The following RAB25 variants were observed in gnomAD, a reference collection of about 807,000 sequenced individuals.
RAB25 encodes the protein ras-related protein Rab-25.
A neutral mutation model predicts 25.2 loss-of-function variants in RAB25; 23 were observed. That is an observed-to-expected ratio of 0.91 (90% CI 0.66 to 1.29). The LOEUF is 1.29. Ranked by LOEUF, RAB25 falls within the 50% of genes most tolerant of loss-of-function variation. The probability of loss-of-function intolerance (pLI) is 0.00; values close to 1 mark genes in which losing one functional copy is unlikely to be tolerated. For missense variants in RAB25, 244 were observed against 277.3 expected (o/e 0.88, Z 0.85); for synonymous variants, 102 against 111.5 (o/e 0.91, Z 0.54).
chr1:156,069,264 C>A (rs544698779), intron 3 of RAB25, among the ~76,000 whole-genome samples: 4 of 151,964 alleles, frequency 2.6e-5, no homozygotes, highest in Non-Finnish European at 4.4e-5. Flanking sequence ...TCACTGCAAC[C>A]TCCACCTCCT....
intron 3 of RAB25, among the ~76,000 whole-genome samples, chr1:156,069,254 T>C (rs1647837675): frequency 6.6e-6 from 1 of 152,114 alleles, no homozygotes; most frequent in African/African-American, 2.4e-5. Context: ...CGATCTTGGC[T>C]CACTGCAACC....
intron 2 of RAB25, among the ~76,000 whole-genome samples, chr1:156,066,526 A>G (rs1010645082): frequency 6.6e-6 from 1 of 152,174 alleles, no homozygotes; most frequent in Non-Finnish European, 1.5e-5. Context: ...CTTCCGCACA[A>G]TGCTCTGCAC....
In RAB25 at chr1:156,068,471, C is replaced by T. The variant is rs375008853; in HGVS notation, c.433+8C>T. ...AGGCCCGAATGTTCGCTGGTGAGAG[C>T]CTGCCACTACCCAGGCTGACTCCTC... On this transcript the variant is annotated splice_region_variant and intron_variant, in intron 3 of 4. Coordinates refer to ENST00000361084, the MANE Select transcript of RAB25 (RefSeq NM_020387.4). 7.5e-6 allele frequency: 12 copies of T among 1,609,260 alleles called. No homozygotes were observed. Among genetic ancestry groups the T allele is most frequent in the African/African-American group, 4.0e-5 (3 of 74,902 alleles).
intron 1 of RAB25, among the ~76,000 whole-genome samples, chr1:156,062,358 A>G (rs1203035510): frequency 1.3e-5 from 2 of 152,130 alleles, no homozygotes; most frequent in Admixed American, 6.5e-5. Context: ...CCCTGGAAGC[A>G]TGCATGTATC....
chr1:156,066,496 G>C (rs556666556), intron 2 of RAB25, among the ~76,000 whole-genome samples: 3 of 152,146 alleles, frequency 2.0e-5, no homozygotes, highest in Non-Finnish European at 4.4e-5. Flanking sequence ...CGAGCTGCAC[G>C]GATCGAGAGC....
At chr1:156,066,865 G>A (rs1476371269) in intron 2 of RAB25, among the ~76,000 whole-genome samples, 5 of 152,076 alleles carry the variant, frequency 3.3e-5, no homozygotes, top group African/African-American at 4.8e-5. Context: ...GCTTGAACCC[G>A]GGAGGCGGAA....
Position 156,064,159 on chromosome 1 carries a change from CA to C in RAB25, c.44-1751del, listed in dbSNP as rs530215426. On this transcript the variant is annotated intron_variant, in intron 1 of 4. Coordinates refer to ENST00000361084, the MANE Select transcript of RAB25 (RefSeq NM_020387.4). ...ATACACACACACACACGCATACACA[CA>C]CATCCTCTTACCCACACATATCCAT... Among the ~76,000 whole-genome samples, 202 of 152,318 alleles carry C rather than the reference CA, an allele frequency of 1.3e-3. 1 individual carries two copies. The highest frequency in any genetic ancestry group is 4.6e-3 in the African/African-American group (190 of 41,568).
intron 1 of RAB25, among the ~76,000 whole-genome samples, chr1:156,065,325 G>A (rs1572292581): frequency 6.6e-6 from 1 of 152,142 alleles, no homozygotes; most frequent in African/African-American, 2.4e-5. Flanking sequence ...CCTCCTTAGG[G>A]ACAACTGGAA....
In RAB25 at chr1:156,065,992, G is replaced by A. The variant is rs372694734; in HGVS notation, c.125G>A (p.Arg42His). The change falls in exon 2 of 5, where the codon CGC (arginine) becomes CAC (histidine). Residue 42 changes from arginine (R) to histidine (H), a missense_variant. By Grantham distance (29) the Arg-to-His change is conservative (BLOSUM62 0). Coordinates refer to ENST00000361084, the MANE Select transcript of RAB25 (RefSeq NM_020387.4). ...FTRNEFSHDS[R>H]TTIGVEFSTR... The stretch of plus-strand genomic sequence containing the variant: ...CGCAATGAGTTCAGCCACGACAGCC[G>A]CACCACCATCGGGGTTGAGTTCTCC... The A allele has an allele frequency of 4.3e-6, 7 of 1,613,810 alleles. No homozygotes were observed. Among genetic ancestry groups the A allele is most frequent in the East Asian group, 2.2e-5 (1 of 44,888 alleles).
rs1325746340 is a variant in RAB25, at chr1:156,070,288, C to A, written c.*1C>A. On this transcript the variant is annotated 3_prime_UTR_variant, in exon 5 of 5. Transcript: ENST00000361084. Reference sequence around the variant, plus strand: ...GAGGGCCTGTTGCATCAGCCTCTGACCTTGGCCAGCACCACCTGCCCCCAC... The same window carrying A: ...GAGGGCCTGTTGCATCAGCCTCTGAACTTGGCCAGCACCACCTGCCCCCAC... 6.2e-7 allele frequency: 1 copy of A among 1,612,940 alleles called. No individual in the cohort carries two copies. Among genetic ancestry groups the A allele is most frequent in the African/African-American group, 1.3e-5 (1 of 74,966 alleles).
rs1647723593 is a variant in RAB25 at position 156,065,840 on chromosome 1, G to A, written c.44-71G>A. On this transcript the variant is annotated intron_variant, in intron 1 of 4. Transcript: ENST00000361084. ...CTCAGTTCCCTTTTTCTGCTGGGCAGACCCTCCAAGCTCAGGTGGGGTTGG... is the reference window on the plus strand; with the variant it reads ...CTCAGTTCCCTTTTTCTGCTGGGCAAACCCTCCAAGCTCAGGTGGGGTTGG... The A allele has an allele frequency of 1.2e-5, 15 of 1,258,382 alleles. No homozygotes were observed. The Admixed American group carries it at 3.4e-4, about 28-fold the overall frequency. The allele number at this position is 1,258,382 out of a possible 1,614,324, so 78.0% of individuals were successfully genotyped here.
intron 2 of RAB25, among the ~76,000 whole-genome samples, chr1:156,068,009 TC>T (rs1647793304): frequency 6.6e-6 from 1 of 152,146 alleles, no homozygotes; most frequent in African/African-American, 2.4e-5. Flanking sequence ...CGCCTTGGCC[TC>T]CCAAAGTGCT....
At chr1:156,063,178 C>G (rs1451277240) in intron 1 of RAB25, among the ~76,000 whole-genome samples, 1 of 151,892 alleles carries the variant, frequency 6.6e-6, no homozygotes, top group Non-Finnish European at 1.5e-5. Context: ...CTCTGTTGCC[C>G]AGGCTGGAGT....
In RAB25 at chr1:156,061,444, G is replaced by A; in HGVS notation, c.43+1G>A. On this transcript the variant is annotated splice_donor_variant, in intron 1 of 4. Transcript: ENST00000361084. LOFTEE classifies it high-confidence loss of function. ...GAAGATTATAACTTTGTCTTCAAGG[G>A]TGAGTTGGGTTCCCTGAAGCAAGAG... 6.2e-7 allele frequency: 1 copy of A among 1,613,930 alleles called. No individual in the cohort carries two copies. Among genetic ancestry groups the A allele is most frequent in the Non-Finnish European group, 8.5e-7 (1 of 1,179,840 alleles).
At chr1:156,068,549 A>G (rs1333549238) in intron 3 of RAB25, 86 bp downstream of exon 3, 5 of 1,374,240 alleles carry the variant, frequency 3.6e-6, no homozygotes, top group Non-Finnish European at 5.0e-6. Context: ...CCCCACCCAT[A>G]GAGCCCCTAG....
Position 156,070,252 on chromosome 1 carries a change from C to G in RAB25, c.607C>G (p.Pro203Ala), listed in dbSNP as rs754000345. Residue 203 changes from proline to alanine, a missense_variant, in exon 5 of 5, where the codon CCT becomes GCT. Physicochemically the swap from Pro to Ala is conservative, Grantham distance 27 (BLOSUM62 -1). Coordinates refer to ENST00000361084, the MANE Select transcript of RAB25 (RefSeq NM_020387.4). ...TGCCCAGGCTGGACAGGAGCCTGGCCCTGGGGAGAAGAGGGCCTGTTGCAT... is the reference window on the plus strand; with the variant it reads ...TGCCCAGGCTGGACAGGAGCCTGGCGCTGGGGAGAAGAGGGCCTGTTGCAT... ...GSAQAGQEPG[P>A]GEKRACCISL 3.1e-6 allele frequency: 5 copies of G among 1,614,008 alleles called. No individual in the cohort carries two copies. The East Asian group carries it at 8.9e-5, about 29-fold the overall frequency.
At chr1:156,064,745 A>G (rs1360965893) in intron 1 of RAB25, among the ~76,000 whole-genome samples, 3 of 152,192 alleles carry the variant, frequency 2.0e-5, no homozygotes, top group Admixed American at 1.3e-4. Flanking sequence ...GGAGGCCTTT[A>G]TAAGTTGTAT....
In RAB25 at chr1:156,066,103, C is replaced by T. The variant is rs761125126; in HGVS notation, c.236C>T (p.Ser79Leu). 1.5e-4 allele frequency: 234 copies of T among 1,572,018 alleles called. No homozygotes were observed. Among genetic ancestry groups the T allele is most frequent in the East Asian group, 2.3e-4 (10 of 43,214 alleles). The change falls in exon 2 of 5, where the codon TCG (serine) becomes TTG (leucine). Residue 79 changes from serine to leucine, a missense_variant. Transcript: ENST00000361084. ...CTGGAGCGGTACCGAGCCATCACCT[C>T]GGCGTGAGCCCGGGCCTGGGGGGCT... ...AGLERYRAIT[S>L]AYYRGAVGAL...
At chr1:156,062,257 C>G (rs146221860) in intron 1 of RAB25, among the ~76,000 whole-genome samples, 1 of 152,246 alleles carries the variant, frequency 6.6e-6, no homozygotes, top group African/African-American at 2.4e-5. Context: ...CTGATAGAAT[C>G]CAGAGGACTC....
Sources: gnomAD v4.1 joint callset for allele counts (sites outside exome capture counted in the v4.1 genomes callset) on GRCh38, gnomAD v4.1.1 for gene constraint, MANE v1.5 for transcripts, NCBI Gene and HGNC (gene_info 2026-07-23, HGNC 2026-07-21) for gene names.